Variants in HECW1 observed in about 807,000 individuals in gnomAD.
HECW1 encodes HECT, C2 and WW domain containing E3 ubiquitin protein ligase 1.
Under a neutral mutation model 182.3 loss-of-function variants are expected in HECW1, and 61 were observed. The ratio of observed to expected loss-of-function variants is 0.33; its 90% confidence interval spans 0.27 to 0.41. The LOEUF (loss-of-function observed/expected upper bound fraction) is 0.41. HECW1 is among the 10% of genes least tolerant of loss of function. The probability of loss-of-function intolerance (pLI) is 1.00; values close to 1 mark genes in which losing one functional copy is unlikely to be tolerated. For missense variants in HECW1, 1,739 were observed against 2,108.9 expected (o/e 0.82, Z 3.44); for synonymous variants, 859 against 832.6 (o/e 1.03, Z -0.55).
chr7:43,114,514 G>A, intron 2 of HECW1, 123 bp downstream of exon 2: 1 of 855,264 alleles, frequency 1.2e-6, no homozygotes, highest in Non-Finnish European at 1.6e-6. Flanking sequence ...ATAGATTGTG[G>A]TAGAATTCCC....
intron 8 of HECW1, among the ~76,000 whole-genome samples, chr7:43,417,478 T>C (rs891140386): frequency 5.3e-5 from 8 of 152,224 alleles, no homozygotes; most frequent in Non-Finnish European, 8.8e-5. Flanking sequence ...TGAATGTCTT[T>C]ATTTAATGTC....
intron 5 of HECW1, among the ~76,000 whole-genome samples, chr7:43,323,305 T>G (rs73092850): frequency 0.28 from 42,453 of 152,036 alleles, 8,757 homozygotes; most frequent in African/African-American, 0.58. Context: ...TTATTAGAAA[T>G]ACATTATAGG....
At chr7:43,379,334 G>T (rs1031385000) in intron 6 of HECW1, among the ~76,000 whole-genome samples, 2 of 152,132 alleles carry the variant, frequency 1.3e-5, no homozygotes, top group African/African-American at 4.8e-5. Context: ...CAGCCAGCCT[G>T]CCTGCACACA....
chr7:43,246,701 T>A (rs1799409119), intron 3 of HECW1, among the ~76,000 whole-genome samples: 1 of 152,192 alleles, frequency 6.6e-6, no homozygotes, highest in Non-Finnish European at 1.5e-5. Flanking sequence ...TCAAAGGCCC[T>A]CTGTGGAGAA....
At chr7:43,526,906 G>A (rs1235123642) in intron 24 of HECW1, among the ~76,000 whole-genome samples, 1 of 152,120 alleles carries the variant, frequency 6.6e-6, no homozygotes, top group African/African-American at 2.4e-5. Flanking sequence ...TAAGGCGAGA[G>A]GATCACTTAA....
chr7:43,293,417 T>G (rs1805662841), intron 3 of HECW1, among the ~76,000 whole-genome samples: 1 of 152,142 alleles, frequency 6.6e-6, no homozygotes, highest in South Asian at 2.1e-4. Flanking sequence ...TCAGTCTGAT[T>G]GGTTACAAAC....
At chr7:43,513,682 GT>G (rs1260329280) in intron 24 of HECW1, among the ~76,000 whole-genome samples, 1 of 151,060 alleles carries the variant, frequency 6.6e-6, no homozygotes, top group Non-Finnish European at 1.5e-5. Context: ...GTGGGTTTTG[GT>G]TTTTTTTTGT....
At chr7:43,451,235 C>A (rs749292810) in intron 12 of HECW1, among the ~76,000 whole-genome samples, 5 of 152,136 alleles carry the variant, frequency 3.3e-5, no homozygotes, top group East Asian at 3.9e-4. Context: ...TGTTCATGAC[C>A]TTTAAGTCCC....
chr7:43,486,389 C>T (rs1299606045), intron 17 of HECW1, among the ~76,000 whole-genome samples: 1 of 151,996 alleles, frequency 6.6e-6, no homozygotes, highest in Non-Finnish European at 1.5e-5. Flanking sequence ...GCAAACTCCT[C>T]CTCCTGGGTT....
intron 2 of HECW1, among the ~76,000 whole-genome samples, chr7:43,177,986 C>T (rs1249906327): frequency 6.6e-6 from 1 of 152,188 alleles, no homozygotes; most frequent in East Asian, 1.9e-4. Flanking sequence ...TTGATCTCCC[C>T]TGCCCCTGTG....
At position 43,311,853 on chromosome 7, in the gene HECW1, C is replaced by T. The variant is rs1339583851; in HGVS notation, c.118C>T (p.Arg40Ter). The T allele has an allele frequency of 1.2e-6, 2 of 1,614,114 alleles. No individual in the cohort carries two copies. The highest frequency in any genetic ancestry group is 1.1e-5 in the South Asian group (1 of 91,090). Residue 40 changes from arginine (R) to a stop codon, truncating the protein, a stop_gained, in exon 4 of 30, where the codon CGA becomes TGA. Coordinates refer to ENST00000395891, the MANE Select transcript of HECW1 (RefSeq NM_015052.5). LOFTEE classifies it high-confidence loss of function. ...CCGACGCCGGTGCAAGGAGCCGCTCCGATACAGCTACAACCCCGACCAGTT... is the reference window on the plus strand; with the variant it reads ...CCGACGCCGGTGCAAGGAGCCGCTCTGATACAGCTACAACCCCGACCAGTT... ...QSRRRCKEPL[R>*]YSYNPDQFHN...
At chr7:43,170,272 A>G (rs991502085) in intron 2 of HECW1, among the ~76,000 whole-genome samples, 4 of 152,334 alleles carry the variant, frequency 2.6e-5, no homozygotes, top group Admixed American at 2.0e-4. Context: ...ATACATGTAT[A>G]TACATTATAT....
intron 3 of HECW1, among the ~76,000 whole-genome samples, chr7:43,266,217 C>T (rs1361720321): frequency 6.6e-6 from 1 of 152,186 alleles, no homozygotes; most frequent in East Asian, 1.9e-4. Context: ...CATCCTGAAG[C>T]TGTCTAGGGA....
At position 43,325,386 on chromosome 7, in the gene HECW1, C is replaced by T. The variant is rs1329173590; in HGVS notation, c.460+4644C>T. Among the ~76,000 whole-genome samples the T allele has an allele frequency of 2.6e-5, 4 of 152,164 alleles. No homozygotes were observed. The East Asian group carries it at 7.7e-4, about 29-fold the overall frequency. Reference sequence around the variant, plus strand: ...AGAGGGAGCTAGCACAGTCCTTGTTCATTGTGTATTTTGTCAGAATCCTTC... The same window carrying T: ...AGAGGGAGCTAGCACAGTCCTTGTTTATTGTGTATTTTGTCAGAATCCTTC... On this transcript the variant is annotated intron_variant, in intron 5 of 29. Coordinates refer to ENST00000395891, the MANE Select transcript of HECW1 (RefSeq NM_015052.5).
At chr7:43,213,075 T>C (rs1045070605) in intron 2 of HECW1, among the ~76,000 whole-genome samples, 8 of 152,144 alleles carry the variant, frequency 5.3e-5, no homozygotes, top group Non-Finnish European at 1.2e-4. Context: ...TTTTCATGAG[T>C]TAATCTATGT....
chr7:43,529,220 T>C (rs905291097), intron 24 of HECW1, among the ~76,000 whole-genome samples: 2 of 152,088 alleles, frequency 1.3e-5, no homozygotes, highest in Admixed American at 1.3e-4. Flanking sequence ...CTTGCCAAGC[T>C]CGTTCTCACC....
intron 2 of HECW1, among the ~76,000 whole-genome samples, chr7:43,158,073 TTGAGA>T (rs1405596063): frequency 6.6e-6 from 1 of 152,212 alleles, no homozygotes; most frequent in Non-Finnish European, 1.5e-5. Context: ...TGAGTATTGA[TTGAGA>T]TAATTCAGGA....
At chr7:43,160,068 CT>C (rs1364082747) in intron 2 of HECW1, among the ~76,000 whole-genome samples, 1 of 152,212 alleles carries the variant, frequency 6.6e-6, no homozygotes, top group Non-Finnish European at 1.5e-5. Context: ...TATTGTTTCA[CT>C]TCACATTATT....
chr7:43,500,198 C>G (rs2079288671), intron 19 of HECW1, among the ~76,000 whole-genome samples: 1 of 151,700 alleles, frequency 6.6e-6, no homozygotes, highest in Admixed American at 6.6e-5. Flanking sequence ...CCTCCCGGTT[C>G]AAGCGATTCT....
Sources: gnomAD v4.1 joint callset for allele counts (sites outside exome capture counted in the v4.1 genomes callset) on GRCh38, gnomAD v4.1.1 for gene constraint, MANE v1.5 for transcripts, NCBI Gene and HGNC (gene_info 2026-07-23, HGNC 2026-07-21) for gene names.